Variants in VPS13B observed in about 807,000 individuals in gnomAD.
VPS13B encodes the protein intermembrane lipid transfer protein VPS13B.
Under a neutral mutation model 426.4 loss-of-function variants are expected in VPS13B, and 285 were observed. The ratio of observed to expected loss-of-function variants is 0.67; its 90% CI spans 0.61 to 0.74. VPS13B has a LOEUF of 0.74. VPS13B is among the 30% of genes least tolerant of loss of function. VPS13B has a pLI of 0.00. For missense variants in VPS13B, 4,537 were observed against 4,782.6 expected (o/e 0.95, Z 1.51); for synonymous variants, 1,676 against 1,676.4 (o/e 1.00, Z 0.01).
In VPS13B at chr8:99,192,863, T is replaced by G. The variant is rs768924726; in HGVS notation, c.2334-13T>G. The G allele has an allele frequency of 4.3e-6, 7 of 1,612,046 alleles. No homozygotes were observed. In the Admixed American group the frequency reaches 8.3e-5, roughly 19 times the overall value. ...ATTTACTGTATTGCGATTCTTTCTG[T>G]TTTCTTGTGCAGGACCAAAAGATCT... On this transcript the variant is annotated splice_polypyrimidine_tract_variant and intron_variant, in intron 16 of 61. Coordinates refer to ENST00000357162, the MANE Select transcript of VPS13B (RefSeq NM_152564.5).
intron 16 of VPS13B, among the ~76,000 whole-genome samples, chr8:99,184,592 C>T (rs529709956): frequency 6.6e-6 from 1 of 152,248 alleles, no homozygotes; most frequent in East Asian, 1.9e-4. Flanking sequence ...TCAAATAAAA[C>T]TATTCCAGAA....
At chr8:99,029,096 G>C (rs2132182654) in intron 2 of VPS13B, among the ~76,000 whole-genome samples, 1 of 150,222 alleles carries the variant, frequency 6.7e-6, no homozygotes, top group Non-Finnish European at 1.5e-5. Flanking sequence ...TCACCTCCCA[G>C]ACAGGGTTGC....
chr8:99,331,205 CTTG>C (rs1810524484), intron 19 of VPS13B, among the ~76,000 whole-genome samples: 1 of 151,804 alleles, frequency 6.6e-6, no homozygotes, highest in Non-Finnish European at 1.5e-5. Context: ...TGGCAATTTA[CTTG>C]TTGTGGTTGT....
intron 33 of VPS13B, among the ~76,000 whole-genome samples, chr8:99,608,074 C>A (rs1052506157): frequency 6.6e-6 from 1 of 151,620 alleles, no homozygotes; most frequent in East Asian, 1.9e-4. Context: ...ATTTTAATAA[C>A]CTTAAAGATA....
intron 19 of VPS13B, among the ~76,000 whole-genome samples, chr8:99,321,515 A>G (rs3134307): frequency 0.73 from 110,340 of 151,998 alleles, 40,710 homozygotes; most frequent in Middle Eastern, 0.83. Flanking sequence ...GCCTATTCCA[A>G]ATTTTCGAAT....
intron 15 of VPS13B, among the ~76,000 whole-genome samples, chr8:99,162,571 G>A (rs1362905129): frequency 6.6e-6 from 1 of 152,044 alleles, no homozygotes; most frequent in Non-Finnish European, 1.5e-5. Flanking sequence ...GTGGGTTCGT[G>A]GTCTCGCTGG....
chr8:99,795,943 G>A (rs1398223346), intron 43 of VPS13B, among the ~76,000 whole-genome samples: 2 of 152,104 alleles, frequency 1.3e-5, no homozygotes, highest in African/African-American at 2.4e-5. Context: ...TCAGTGGGGG[G>A]AACATAAAGG....
intron 33 of VPS13B, among the ~76,000 whole-genome samples, chr8:99,581,446 C>G (rs1434996593): frequency 1.3e-5 from 2 of 152,064 alleles, no homozygotes; most frequent in African/African-American, 4.8e-5. Flanking sequence ...AAAAATTTTC[C>G]AATATTTTTG....
chr8:99,873,869 C>G (rs916089336), intron 61 of VPS13B, among the ~76,000 whole-genome samples: 1 of 152,138 alleles, frequency 6.6e-6, no homozygotes, highest in Non-Finnish European at 1.5e-5. Flanking sequence ...CATGAGGAAG[C>G]CTGTCTGCCG....
At chr8:99,179,789 T>G (rs930204411) in intron 16 of VPS13B, among the ~76,000 whole-genome samples, 42 of 152,276 alleles carry the variant, frequency 2.8e-4, no homozygotes, top group African/African-American at 1.0e-3. Context: ...CATGAGTAAA[T>G]ATTTATTGGC....
At chr8:99,863,212 C>A (rs981081495) in intron 58 of VPS13B, among the ~76,000 whole-genome samples, 1 of 152,122 alleles carries the variant, frequency 6.6e-6, no homozygotes, top group African/African-American at 2.4e-5. Context: ...TAAACAGAAC[C>A]TATCATTATC....
intron 35 of VPS13B, chr8:99,697,316 A>C: frequency 1.7e-6 from 1 of 575,184 alleles, no homozygotes; most frequent in Non-Finnish European, 3.1e-6. Context: ...TCGCGCCCGA[A>C]GGTGTGGAAG....
At chr8:99,113,653 C>T (rs1244916262) in intron 6 of VPS13B, among the ~76,000 whole-genome samples, 3 of 152,146 alleles carry the variant, frequency 2.0e-5, no homozygotes, top group African/African-American at 7.2e-5. Context: ...CAACCTCTGC[C>T]TCCCGGGTTC....
chr8:99,266,165 C>T (rs143456218), intron 17 of VPS13B, among the ~76,000 whole-genome samples: 4 of 151,878 alleles, frequency 2.6e-5, no homozygotes, highest in African/African-American at 9.7e-5. Context: ...GGAGAGGTCT[C>T]AGTGAGTCTT....
chr8:99,172,409 A>G (rs1046620515), intron 16 of VPS13B, among the ~76,000 whole-genome samples: 1 of 152,132 alleles, frequency 6.6e-6, no homozygotes, highest in African/African-American at 2.4e-5. Flanking sequence ...TTAGGTACCT[A>G]GTTAAAGTTC....
At chr8:99,623,786 C>T (rs1283543255) in intron 33 of VPS13B, among the ~76,000 whole-genome samples, 1 of 151,734 alleles carries the variant, frequency 6.6e-6, no homozygotes, top group Non-Finnish European at 1.5e-5. Flanking sequence ...ATGAAAGTTT[C>T]ACTGGCTTTG....
chr8:99,054,676 G>A (rs1843737644), intron 3 of VPS13B, among the ~76,000 whole-genome samples: 1 of 152,112 alleles, frequency 6.6e-6, no homozygotes, highest in Non-Finnish European at 1.5e-5. Flanking sequence ...TTTCTTCTAA[G>A]AGTTTTAAAG....
At chr8:99,260,390 A>G (rs999523393) in intron 17 of VPS13B, among the ~76,000 whole-genome samples, 23 of 152,054 alleles carry the variant, frequency 1.5e-4, no homozygotes, top group African/African-American at 5.6e-4. Flanking sequence ...CTAAACCTCT[A>G]AGTAGACACA....
At chr8:99,284,654 G>C (rs1202103208) in intron 19 of VPS13B, among the ~76,000 whole-genome samples, 1 of 151,968 alleles carries the variant, frequency 6.6e-6, no homozygotes, top group East Asian at 1.9e-4. Context: ...GGGCCCAAGA[G>C]ATCCTCCTCC....
Sources: allele counts gnomAD v4.1 joint callset (sites outside exome capture counted in the v4.1 genomes callset), GRCh38; gene constraint gnomAD v4.1.1; transcripts MANE v1.5; gene names NCBI Gene and HGNC (gene_info 2026-07-23, HGNC 2026-07-21).